KCNMA1: variants seen among roughly 807,000 people sequenced by gnomAD.
KCNMA1 encodes potassium calcium-activated channel subfamily M alpha 1.
Under a neutral mutation model 140.0 loss-of-function variants are expected in KCNMA1, and 29 were observed. The observed-to-expected ratio is 0.21, with a 90% confidence interval of 0.15 to 0.28. The LOEUF is 0.28. KCNMA1 is among the 10% of genes least tolerant of loss of function. The pLI is 1.00. For synonymous variants in KCNMA1, 612 were observed against 611.9 expected, an observed-to-expected ratio of 1.00 and a Z score of 0.00; for missense variants, 880 against 1,602.2, an observed-to-expected ratio of 0.55 and a Z score of 7.70.
At chr10:77,515,568 G>A (rs1451295245) in intron 1 of KCNMA1, among the ~76,000 whole-genome samples, 1 of 152,108 alleles carries the variant, frequency 6.6e-6, no homozygotes, top group Non-Finnish European at 1.5e-5. Context: ...ACCAGCCAGA[G>A]GGCAAGGACC....
chr10:77,037,463 A>C (rs2094409599), intron 15 of KCNMA1, among the ~76,000 whole-genome samples: 1 of 152,190 alleles, frequency 6.6e-6, no homozygotes, highest in Admixed American at 6.5e-5. Context: ...TGAGTCAAAC[A>C]TACCTAGTGA....
intron 6 of KCNMA1, among the ~76,000 whole-genome samples, chr10:77,114,669 G>C (rs951471184): frequency 6.6e-5 from 10 of 152,212 alleles, no homozygotes; most frequent in Non-Finnish European, 1.2e-4. Flanking sequence ...CCTTAAAGTC[G>C]TTCCATCCAT....
chr10:77,496,186 C>T (rs1665481968), intron 1 of KCNMA1, among the ~76,000 whole-genome samples: 1 of 152,126 alleles, frequency 6.6e-6, no homozygotes. Context: ...CCATTCCTAC[C>T]ACCTCCTTGA....
At chr10:77,087,999 C>G (rs1259447327) in intron 10 of KCNMA1, among the ~76,000 whole-genome samples, 2 of 151,946 alleles carry the variant, frequency 1.3e-5, no homozygotes, top group African/African-American at 4.8e-5. Flanking sequence ...TAGAGTTTAT[C>G]TCTGTCACAC....
chr10:77,295,552 C>T (rs371575312), intron 2 of KCNMA1, among the ~76,000 whole-genome samples: 1 of 151,496 alleles, frequency 6.6e-6, no homozygotes, highest in Non-Finnish European at 1.5e-5. Flanking sequence ...GAGGCCGAGG[C>T]GGGTGGATCA....
intron 10 of KCNMA1, among the ~76,000 whole-genome samples, chr10:77,089,363 G>A (rs1449743048): frequency 6.6e-6 from 1 of 152,160 alleles, no homozygotes; most frequent in African/African-American, 2.4e-5. Context: ...CCTGGACTTT[G>A]CGATGTGGTG....
intron 1 of KCNMA1, among the ~76,000 whole-genome samples, chr10:77,611,228 T>A (rs529952129): frequency 6.6e-6 from 1 of 152,340 alleles, no homozygotes; most frequent in Admixed American, 6.5e-5. Context: ...CTTCAGCCAG[T>A]TCAGTTACAG....
chr10:77,139,681 A>T (rs2154019635), intron 5 of KCNMA1, among the ~76,000 whole-genome samples: 1 of 152,332 alleles, frequency 6.6e-6, no homozygotes, highest in East Asian at 1.9e-4. Flanking sequence ...AGAAATGTAC[A>T]TTTAATCTAT....
At chr10:77,475,754 G>A (rs373187391) in intron 1 of KCNMA1, among the ~76,000 whole-genome samples, 1 of 152,052 alleles carries the variant, frequency 6.6e-6, no homozygotes, top group Non-Finnish European at 1.5e-5. Context: ...CCCAGAACAC[G>A]CCATATGCAC....
Position 77,035,228 on chromosome 10 carries a change from C to T in KCNMA1, c.1859+4300G>A, listed in dbSNP as rs143476992. ...TACCAGGTGGCGCAGCCTCCAGATTCCCTACCACTTAGAATGTCCTCTTCC... is the reference window on the plus strand; with the variant it reads ...TACCAGGTGGCGCAGCCTCCAGATTTCCTACCACTTAGAATGTCCTCTTCC... On this transcript the variant is annotated intron_variant, in intron 15 of 27. Transcript: ENST00000286628. 3.9e-5 allele frequency among the ~76,000 whole-genome samples: 6 copies of T among 152,318 alleles called. No homozygotes were observed. The East Asian group carries it at 1.2e-3, about 29-fold the overall frequency.
chr10:77,173,465 C>A (rs1407477378), intron 5 of KCNMA1, among the ~76,000 whole-genome samples: 1 of 152,096 alleles, frequency 6.6e-6, no homozygotes, highest in African/African-American at 2.4e-5. Context: ...TTTGGAAGAG[C>A]ACTTGAGACA....
rs76734939 is a variant in KCNMA1, at chr10:77,344,323, G to A, written c.540+59539C>T. Among the ~76,000 whole-genome samples the A allele has an allele frequency of 7.4e-3, 1,134 of 152,262 alleles. 15 individuals are homozygous for A. Among genetic ancestry groups the A allele is most frequent in the African/African-American group, 0.026 (1,062 of 41,548 alleles). On this transcript the variant is annotated intron_variant, in intron 2 of 27. Coordinates refer to ENST00000286628, the MANE Select transcript of KCNMA1 (RefSeq NM_001161352.2). ...AGTTAATAGGTTTTTCCAAATGAACGGTCCTTAATTTCAATTCATTGAGAG... is the reference window on the plus strand; with the variant it reads ...AGTTAATAGGTTTTTCCAAATGAACAGTCCTTAATTTCAATTCATTGAGAG...
Position 77,088,960 on chromosome 10 carries a change from T to A in KCNMA1, c.1334+1440A>T, listed in dbSNP as rs77831549. 4.3e-4 allele frequency among the ~76,000 whole-genome samples: 66 copies of A among 152,340 alleles called. No homozygotes were observed. In the East Asian group the frequency reaches 0.012, roughly 27 times the overall value. ...GTTGATGTTGTCTCTAATGGTTGCA[T>A]GTGTGTTCATCTTGAAATGCCCAAC... On this transcript the variant is annotated intron_variant, in intron 10 of 27. Coordinates refer to ENST00000286628, the MANE Select transcript of KCNMA1 (RefSeq NM_001161352.2).
intron 3 of KCNMA1, among the ~76,000 whole-genome samples, chr10:77,230,581 A>G (rs1393264476): frequency 6.6e-6 from 1 of 152,224 alleles, no homozygotes. Context: ...TTACATAGCT[A>G]AAGTTTGCCG....
chr10:77,064,442 T>G (rs1007336936), intron 14 of KCNMA1, among the ~76,000 whole-genome samples: 5 of 152,232 alleles, frequency 3.3e-5, no homozygotes, highest in Non-Finnish European at 7.3e-5. Flanking sequence ...GTTGACATTT[T>G]CTGGCAATCT....
At chr10:77,152,662 C>T (rs1291991929) in intron 5 of KCNMA1, among the ~76,000 whole-genome samples, 1 of 152,098 alleles carries the variant, frequency 6.6e-6, no homozygotes, top group African/African-American at 2.4e-5. Context: ...CATTAAGTCC[C>T]TAGCACTTAC....
chr10:77,034,117 G>A (rs898799329), intron 15 of KCNMA1, among the ~76,000 whole-genome samples: 1 of 151,876 alleles, frequency 6.6e-6, no homozygotes, highest in African/African-American at 2.4e-5. Context: ...GGTGGCACAC[G>A]TCTCTAGTCC....
intron 24 of KCNMA1, chr10:76,913,636 A>G (rs1439641430): frequency 6.3e-6 from 1 of 158,142 alleles, no homozygotes; most frequent in Non-Finnish European, 1.4e-5. Context: ...TCTTATCTTA[A>G]AATTTTGATA....
At chr10:77,182,078 C>T (rs1446535969) in intron 5 of KCNMA1, among the ~76,000 whole-genome samples, 2 of 152,104 alleles carry the variant, frequency 1.3e-5, no homozygotes, top group Admixed American at 1.3e-4. Flanking sequence ...CTAGCGGAAG[C>T]CTATCTTGAC....
Sources: gnomAD v4.1 joint callset for allele counts (sites outside exome capture counted in the v4.1 genomes callset) on GRCh38, gnomAD v4.1.1 for gene constraint, MANE v1.5 for transcripts, NCBI Gene and HGNC (gene_info 2026-07-23, HGNC 2026-07-21) for gene names.